Variants in FOXP1 observed in about 807,000 individuals in gnomAD.
The protein encoded by FOXP1 is forkhead box protein P1.
FOXP1 carries 15 observed loss-of-function variants against 98.2 expected under a neutral mutation model. The observed-to-expected ratio is 0.15, with a 90% CI of 0.10 to 0.24. FOXP1 has a LOEUF of 0.24. FOXP1 is among the 10% of genes least tolerant of loss of function. FOXP1 has a pLI of 1.00. For synonymous variants in FOXP1, 371 were observed against 314.5 expected (o/e 1.18, Z -1.90); for missense variants, 633 against 848.5 (o/e 0.75, Z 3.15).
At chr3:71,059,826 G>A (rs982780920) in intron 7 of FOXP1, among the ~76,000 whole-genome samples, 1 of 151,992 alleles carries the variant, frequency 6.6e-6, no homozygotes, top group African/African-American at 2.4e-5. Flanking sequence ...GTTCTTAAAG[G>A]GAAAAGGAAG....
At chr3:71,413,945 C>A (rs2082994520) in intron 3 of FOXP1, among the ~76,000 whole-genome samples, 1 of 151,786 alleles carries the variant, frequency 6.6e-6, no homozygotes, top group Admixed American at 6.6e-5. Flanking sequence ...CGAGAAGGAG[C>A]CAAGGATGAG....
intron 6 of FOXP1, among the ~76,000 whole-genome samples, chr3:71,185,550 A>G (rs939658367): frequency 6.6e-6 from 1 of 152,184 alleles, no homozygotes; most frequent in Non-Finnish European, 1.5e-5. Flanking sequence ...GCCCACATCT[A>G]ATCTCTGGAA....
At chr3:71,502,820 A>G (rs9832796) in intron 2 of FOXP1, among the ~76,000 whole-genome samples, 54,128 of 152,020 alleles carry the variant, frequency 0.36, 10,375 homozygotes, top group Non-Finnish European at 0.43. Context: ...CATATTTTCC[A>G]TGAAAAATTA....
intron 14 of FOXP1, among the ~76,000 whole-genome samples, chr3:70,984,750 G>A (rs1034574895): frequency 7.2e-5 from 11 of 152,114 alleles, no homozygotes; most frequent in African/African-American, 2.4e-4. Flanking sequence ...CGTCGAAGGA[G>A]TCTGAGGGAT....
Position 70,958,187 on chromosome 3 carries a change from TG to T in FOXP1, c.*1059del. On this transcript the variant is annotated 3_prime_UTR_variant, in exon 21 of 21. Coordinates refer to ENST00000649528, the MANE Select transcript of FOXP1 (RefSeq NM_001349338.3). ...GGTAGAATGTGGTGGCATTTATTAA[TG>T]GTTGCTGCAAAAAAAAAAAAAGAAA... The T allele has an allele frequency of 2.4e-6, 1 of 411,858 alleles. No homozygotes were observed. Among genetic ancestry groups the T allele is most frequent in the South Asian group, 2.3e-5 (1 of 44,088 alleles). The allele number at this position is 411,858 out of a possible 1,614,324, so 25.5% of individuals were successfully genotyped here. A position where few individuals can be genotyped will look rare whatever the true frequency, so the allele number is the denominator to read the frequency against.
chr3:71,412,706 C>CATCT (rs2082846319), intron 3 of FOXP1, among the ~76,000 whole-genome samples: 1 of 152,140 alleles, frequency 6.6e-6, no homozygotes, highest in South Asian at 2.1e-4. Context: ...CCAAGAAACA[C>CATCT]TGGGCTCACC....
chr3:71,189,446 T>C (rs1036486665), intron 6 of FOXP1, among the ~76,000 whole-genome samples: 1 of 152,220 alleles, frequency 6.6e-6, no homozygotes, highest in South Asian at 2.1e-4. Context: ...GCAATCAAAA[T>C]AGTGAGTTTT....
intron 6 of FOXP1, among the ~76,000 whole-genome samples, chr3:71,190,068 G>C (rs767797964): frequency 1.3e-5 from 2 of 152,194 alleles, no homozygotes; most frequent in African/African-American, 4.8e-5. Context: ...AAGCCAGCTA[G>C]GTTCAACCTT....
At chr3:71,100,244 A>G (rs1200762755) in intron 7 of FOXP1, among the ~76,000 whole-genome samples, 1 of 152,224 alleles carries the variant, frequency 6.6e-6, no homozygotes, top group African/African-American at 2.4e-5. Flanking sequence ...TCATATCCTC[A>G]ACAAAGTTGG....
chr3:71,455,748 T>C (rs914837016), intron 3 of FOXP1, among the ~76,000 whole-genome samples: 2 of 152,286 alleles, frequency 1.3e-5, no homozygotes, highest in Admixed American at 1.3e-4. Flanking sequence ...CTTCCAACAG[T>C]TGCAATTTCC....
Position 71,130,705 on chromosome 3 carries a change from G to A in FOXP1, c.181-18068C>T, listed in dbSNP as rs894536554. The A allele has an allele frequency of 2.6e-6, 4 of 1,546,266 alleles. No homozygotes were observed. The African/African-American group carries it at 5.4e-5, about 21-fold the overall frequency. On this transcript the variant is annotated intron_variant, in intron 6 of 20. Coordinates refer to ENST00000649528, the MANE Select transcript of FOXP1 (RefSeq NM_001349338.3). ...ACATTGCCCTTTGTAGGCAACCTCA[G>A]GGAGGTTTGCCTCCACAGTAGCTGG...
intron 4 of FOXP1, among the ~76,000 whole-genome samples, chr3:71,323,583 T>C (rs547885882): frequency 8.0e-4 from 122 of 152,246 alleles, no homozygotes; most frequent in African/African-American, 2.8e-3. Flanking sequence ...GAAGAGTGTG[T>C]AACTAGTTCA....
chr3:71,506,394 T>G (rs965286530), intron 2 of FOXP1, among the ~76,000 whole-genome samples: 4 of 152,088 alleles, frequency 2.6e-5, no homozygotes, highest in Non-Finnish European at 4.4e-5. Context: ...TTACATCTCC[T>G]GTCTCCACGG....
chr3:71,583,772 T>A, upstream of FOXP1: 1 of 986,048 alleles, frequency 1.0e-6, no homozygotes, highest in Non-Finnish European at 1.2e-6. Flanking sequence ...ATTCCTCCGC[T>A]CCGGACTAGC....
intron 6 of FOXP1, among the ~76,000 whole-genome samples, chr3:71,165,923 G>A (rs1370491484): frequency 1.3e-5 from 2 of 152,208 alleles, no homozygotes; most frequent in South Asian, 2.1e-4. Flanking sequence ...GAAGCACCAC[G>A]TTTGAGCAAC....
intron 6 of FOXP1, among the ~76,000 whole-genome samples, chr3:71,140,114 T>G (rs2059997239): frequency 6.6e-6 from 1 of 152,224 alleles, no homozygotes; most frequent in African/African-American, 2.4e-5. Context: ...TTTTTAAGGT[T>G]GAGTACTCCT....
intron 4 of FOXP1, among the ~76,000 whole-genome samples, chr3:71,320,392 C>G (rs2075319633): frequency 6.6e-6 from 1 of 151,874 alleles, no homozygotes; most frequent in Admixed American, 6.6e-5. Context: ...GACAGACACT[C>G]ACATACACAC....
At chr3:71,567,347 C>T (rs1386963796) in intron 2 of FOXP1, among the ~76,000 whole-genome samples, 4 of 151,266 alleles carry the variant, frequency 2.6e-5, no homozygotes, top group Non-Finnish European at 5.9e-5. Context: ...CAGGTTCCAT[C>T]ACTGCCACCG....
At chr3:71,492,365 T>C (rs1016528818) in intron 3 of FOXP1, among the ~76,000 whole-genome samples, 44 of 151,416 alleles carry the variant, frequency 2.9e-4, no homozygotes, top group African/African-American at 9.5e-4. Flanking sequence ...GGCAGAAAAA[T>C]TGCTTGAACC....
Sources: gnomAD v4.1 joint callset for allele counts (sites outside exome capture counted in the v4.1 genomes callset) on GRCh38, gnomAD v4.1.1 for gene constraint, MANE v1.5 for transcripts, NCBI Gene and HGNC (gene_info 2026-07-23, HGNC 2026-07-21) for gene names.